The following RALYL variants were observed in gnomAD, a reference collection of about 807,000 sequenced individuals.
The protein encoded by RALYL is RNA-binding Raly-like protein.
In RALYL, 29 loss-of-function variants were observed where a neutral mutation model predicts 35.1. The ratio of observed to expected loss-of-function variants is 0.83; its 90% CI spans 0.61 to 1.13. The LOEUF is 1.13. Among genes scored for constraint, RALYL ranks in the 50% most tolerant of loss-of-function variants. The probability of loss-of-function intolerance (pLI) is 0.00; values close to 1 mark genes in which losing one functional copy is unlikely to be tolerated. For missense variants in RALYL, 359 were observed against 360.4 expected (o/e 1.00, Z 0.03); for synonymous variants, 120 against 127.6 (o/e 0.94, Z 0.40).
intron 1 of RALYL, among the ~76,000 whole-genome samples, chr8:84,187,813 G>T (rs375295348): frequency 6.6e-6 from 1 of 152,074 alleles, no homozygotes; most frequent in Non-Finnish European, 1.5e-5. Context: ...AGAAATTCCA[G>T]TGAGAAGTAT....
At chr8:84,493,328 T>A (rs1448756592) in intron 1 of RALYL, among the ~76,000 whole-genome samples, 1 of 152,178 alleles carries the variant, frequency 6.6e-6, no homozygotes, top group Non-Finnish European at 1.5e-5. Flanking sequence ...GATGGTCATT[T>A]GGGTTGGTTC....
chr8:84,663,994 A>G (rs1360232829), intron 2 of RALYL, among the ~76,000 whole-genome samples: 3 of 152,138 alleles, frequency 2.0e-5, no homozygotes, highest in Non-Finnish European at 2.9e-5. Flanking sequence ...ATTTTCGTGT[A>G]TGGTGTAAGG....
intron 1 of RALYL, among the ~76,000 whole-genome samples, chr8:84,233,075 T>C (rs563355216): frequency 2.0e-5 from 3 of 152,202 alleles, no homozygotes; most frequent in Non-Finnish European, 4.4e-5. Flanking sequence ...CTCAAACCCC[T>C]GGGCTCAAAC....
chr8:84,187,025 C>T (rs575546220), intron 1 of RALYL, among the ~76,000 whole-genome samples: 112 of 151,876 alleles, frequency 7.4e-4, no homozygotes, highest in African/African-American at 2.5e-3. Context: ...TTTTCAACTG[C>T]TTACTAAGCG....
intron 2 of RALYL, among the ~76,000 whole-genome samples, chr8:84,635,619 T>A (rs1268474316): frequency 1.3e-5 from 2 of 151,822 alleles, no homozygotes; most frequent in African/African-American, 4.8e-5. Context: ...TCTAGATATT[T>A]TCATATGAAG....
chr8:84,677,185 T>A (rs1262194523), intron 2 of RALYL, among the ~76,000 whole-genome samples: 1 of 152,234 alleles, frequency 6.6e-6, no homozygotes, highest in Non-Finnish European at 1.5e-5. Flanking sequence ...CTATATCTAT[T>A]AAGCCTTCAA....
chr8:84,548,113 G>A (rs925740431), intron 2 of RALYL, among the ~76,000 whole-genome samples: 10 of 151,598 alleles, frequency 6.6e-5, no homozygotes, highest in African/African-American at 1.9e-4. Flanking sequence ...AATTTATATC[G>A]TTTAACATTT....
At chr8:84,187,812 A>C (rs1325099044) in intron 1 of RALYL, among the ~76,000 whole-genome samples, 1 of 152,118 alleles carries the variant, frequency 6.6e-6, no homozygotes, top group Non-Finnish European at 1.5e-5. Flanking sequence ...TAGAAATTCC[A>C]GTGAGAAGTA....
chr8:84,724,467 T>A (rs1387183815), intron 2 of RALYL, among the ~76,000 whole-genome samples: 1 of 151,802 alleles, frequency 6.6e-6, no homozygotes, highest in East Asian at 1.9e-4. Context: ...AGGAAAAATA[T>A]TCAAAGCTCT....
intron 2 of RALYL, among the ~76,000 whole-genome samples, chr8:84,576,515 A>G (rs773333277): frequency 6.6e-5 from 10 of 152,164 alleles, no homozygotes; most frequent in Non-Finnish European, 8.8e-5. Flanking sequence ...AAGGTAATAC[A>G]TTTGCTCTTC....
chr8:84,889,709 T>C (rs1158113114), intron 8 of RALYL, among the ~76,000 whole-genome samples: 4 of 152,192 alleles, frequency 2.6e-5, no homozygotes, highest in Admixed American at 6.5e-5. Flanking sequence ...CAATAAACAA[T>C]TGAAACTTAA....
At chr8:84,388,719 T>G (rs1859857092) in intron 1 of RALYL, among the ~76,000 whole-genome samples, 2 of 152,098 alleles carry the variant, frequency 1.3e-5, no homozygotes, top group South Asian at 4.1e-4. Context: ...TTTGTTTGAG[T>G]TCATTGTAGA....
At chr8:84,358,074 T>C (rs1852223907) in intron 1 of RALYL, among the ~76,000 whole-genome samples, 1 of 151,850 alleles carries the variant, frequency 6.6e-6, no homozygotes, top group Non-Finnish European at 1.5e-5. Context: ...GCTTTCTGCA[T>C]TTAAGGTAAA....
intron 1 of RALYL, among the ~76,000 whole-genome samples, chr8:84,502,821 A>T (rs1422718928): frequency 6.6e-6 from 1 of 151,928 alleles, no homozygotes; most frequent in East Asian, 1.9e-4. Flanking sequence ...TGGCTTGATA[A>T]ATTTTGCTGT....
intron 5 of RALYL, among the ~76,000 whole-genome samples, chr8:84,851,080 G>A (rs1252612333): frequency 6.6e-6 from 1 of 151,874 alleles, no homozygotes; most frequent in African/African-American, 2.4e-5. Flanking sequence ...ATCACTCTTC[G>A]ATTCTTTGCT....
chr8:84,814,316 A>G (rs1294965977), intron 4 of RALYL, among the ~76,000 whole-genome samples: 1 of 152,192 alleles, frequency 6.6e-6, no homozygotes, highest in African/African-American at 2.4e-5. Flanking sequence ...AAGAAGTTTC[A>G]TTATAAAAAC....
chr8:84,662,979 C>G (rs1301380090), intron 2 of RALYL, among the ~76,000 whole-genome samples: 1 of 152,040 alleles, frequency 6.6e-6, no homozygotes, highest in Non-Finnish European at 1.5e-5. Flanking sequence ...TATTAATGCT[C>G]TCCCTCCTCC....
At chr8:84,429,879 G>A (rs1002926273) in intron 1 of RALYL, among the ~76,000 whole-genome samples, 16 of 151,906 alleles carry the variant, frequency 1.1e-4, no homozygotes, top group African/African-American at 2.9e-4. Flanking sequence ...CTGGGGAATC[G>A]TGAACATGGA....
At position 84,205,778 on chromosome 8, in the gene RALYL, G is replaced by A. The variant is rs149872374; in HGVS notation, c.-24+21354G>A. Reference sequence around the variant, plus strand: ...GTTTAGCAAATAAATGCTGAACATTGTGTTAGTTTACTAGGGCTTCCATAA... The same window carrying A: ...GTTTAGCAAATAAATGCTGAACATTATGTTAGTTTACTAGGGCTTCCATAA... On this transcript the variant is annotated intron_variant, in intron 1 of 8. Coordinates refer to ENST00000521268, the MANE Select transcript of RALYL (RefSeq NM_173848.7). Among the ~76,000 whole-genome samples, 22 of 152,260 alleles carry A rather than the reference G, an allele frequency of 1.4e-4. 1 individual carries two copies. The East Asian group carries it at 3.9e-3, about 27-fold the overall frequency.
Sources: allele counts gnomAD v4.1 joint callset (sites outside exome capture counted in the v4.1 genomes callset), GRCh38; gene constraint gnomAD v4.1.1; transcripts MANE v1.5; gene names NCBI Gene and HGNC (gene_info 2026-07-23, HGNC 2026-07-21).